MDM4: variants seen among roughly 807,000 people sequenced by gnomAD.
The protein encoded by MDM4 is MDM4 regulator of p53, also known as protein Mdm4.
Under a neutral mutation model 60.2 loss-of-function variants are expected in MDM4, and 2 were observed. The ratio of observed to expected loss-of-function variants is 0.03; its 90% CI spans 0.01 to 0.10. MDM4 has a LOEUF of 0.10. Among genes scored for constraint, MDM4 ranks in the 10% least tolerant of loss-of-function variants. The pLI is 1.00. For synonymous variants in MDM4, 202 were observed against 198.1 expected (o/e 1.02, Z -0.17); for missense variants, 447 against 577.5 (o/e 0.77, Z 2.32).
At chr1:204,532,831 AT>A in intron 5 of MDM4, 1 of 1,610,498 alleles carries the variant, frequency 6.2e-7, no homozygotes, top group South Asian at 1.1e-5. Context: ...TATCCTTGTG[AT>A]TTTGTTTAAT....
intron 5 of MDM4, 175 bp downstream of exon 5, chr1:204,532,421 C>T: frequency 1.7e-6 from 1 of 584,360 alleles, no homozygotes; most frequent in Non-Finnish European, 3.0e-6. Flanking sequence ...ACTGAAAAAT[C>T]AAACATAGAG....
chr1:204,526,079 A>T (rs1469640788), intron 2 of MDM4, among the ~76,000 whole-genome samples: 1 of 151,894 alleles, frequency 6.6e-6, no homozygotes, highest in African/African-American at 2.4e-5. Flanking sequence ...ACATGGTGAA[A>T]CCCCCTCTCT....
intron 3 of MDM4, among the ~76,000 whole-genome samples, chr1:204,529,967 C>T (rs1298786948): frequency 6.6e-6 from 1 of 152,186 alleles, no homozygotes; most frequent in Non-Finnish European, 1.5e-5. Context: ...ACCTCCGCTT[C>T]CCAGGTTCAA....
intron 7 of MDM4, among the ~76,000 whole-genome samples, chr1:204,542,300 G>T (rs1451955813): frequency 2.6e-5 from 4 of 152,138 alleles, no homozygotes; most frequent in African/African-American, 9.7e-5. Context: ...CACCTATTAT[G>T]GTTTGTATTG....
chr1:204,528,703 CTT>C, intron 3 of MDM4: 1 of 620,302 alleles, frequency 1.6e-6, no homozygotes. Flanking sequence ...TCTCAACCCT[CTT>C]TTGGAACAGT....
intron 7 of MDM4, among the ~76,000 whole-genome samples, chr1:204,539,960 G>A (rs575007409): frequency 6.6e-6 from 1 of 152,184 alleles, no homozygotes; most frequent in South Asian, 2.1e-4. Context: ...CTGTCTTCAG[G>A]CTATGTGTAC....
Position 204,550,273 on chromosome 1 carries a change from A to T in MDM4, c.*591A>T, listed in dbSNP as rs770251353. ...ACTGCAGCCTTGGTTTCCTGGGCAT[A>T]AGTGGTCTTCCCACTTCAGCCTCCT... On this transcript the variant is annotated 3_prime_UTR_variant, in exon 11 of 11. Transcript: ENST00000367182. 42 of 230,954 alleles carry T rather than the reference A, an allele frequency of 1.8e-4. No homozygotes were observed. Among genetic ancestry groups the T allele is most frequent in the Non-Finnish European group, 3.2e-4 (37 of 116,812 alleles). The allele number at this position is 230,954 out of a possible 1,614,324, so 14.3% of individuals were successfully genotyped here. A position where few individuals can be genotyped will look rare whatever the true frequency, so the allele number is the denominator to read the frequency against.
chr1:204,555,631 G>A lies in MDM4; in HGVS notation c.*5949G>A, dbSNP rs867112967. The A allele has an allele frequency of 2.4e-5, 4 of 167,514 alleles. No homozygotes were observed. Among genetic ancestry groups the A allele is most frequent in the Admixed American group, 6.4e-5 (1 of 15,610 alleles). 10.4% of individuals were successfully genotyped at this position (167,514 alleles called of 1,614,324 possible). On this transcript the variant is annotated 3_prime_UTR_variant, in exon 11 of 11. Coordinates refer to ENST00000367182, the MANE Select transcript of MDM4 (RefSeq NM_002393.5). Reference sequence around the variant, plus strand: ...TGTAATCCCAGCACTTTGGGAGGCCGAGGTGGGTGGATTGCCTGAGCTCAG... The same window carrying A: ...TGTAATCCCAGCACTTTGGGAGGCCAAGGTGGGTGGATTGCCTGAGCTCAG...
rs112013117 is a variant in MDM4, at chr1:204,538,677, T to C, written c.511+369T>C. 6.6e-3 allele frequency among the ~76,000 whole-genome samples: 1,010 copies of C among 152,172 alleles called. 9 individuals are homozygous for C. The highest frequency in any genetic ancestry group is 0.023 in the African/African-American group (964 of 41,536). On this transcript the variant is annotated intron_variant, in intron 7 of 10. Transcript: ENST00000367182. Reference sequence around the variant, plus strand: ...TGGTTAGAATTTTTATTTTGATTTATCTACTTGAGGCAAAGGCCAATTTTC... The same window carrying C: ...TGGTTAGAATTTTTATTTTGATTTACCTACTTGAGGCAAAGGCCAATTTTC...
intron 5 of MDM4, chr1:204,532,627 T>C (rs1660982502): frequency 1.4e-6 from 1 of 713,236 alleles, no homozygotes; most frequent in South Asian, 2.2e-5. Context: ...CCCCCAGTTA[T>C]CTCAAAAATA....
intron 1 of MDM4, 78 bp from the exon 2 acceptor site, chr1:204,525,406 C>T: frequency 6.8e-7 from 1 of 1,463,612 alleles, no homozygotes; most frequent in South Asian, 1.4e-5. Context: ...TTTACTTCTG[C>T]TGGTTGCCTT....
chr1:204,540,261 G>C (rs1382510741), intron 7 of MDM4, among the ~76,000 whole-genome samples: 2 of 150,422 alleles, frequency 1.3e-5, no homozygotes, highest in African/African-American at 2.4e-5. Flanking sequence ...CTCCAGCCTG[G>C]GCGACAGAGC....
At chr1:204,529,131 G>T in intron 3 of MDM4, 1 of 1,124,288 alleles carries the variant, frequency 8.9e-7, no homozygotes, top group Non-Finnish European at 1.3e-6. Context: ...ACTGCTGGAA[G>T]AGCTGCTTCC....
At position 204,542,749 on chromosome 1, in the gene MDM4, G is replaced by C. The variant is rs1232985262; in HGVS notation, c.512-35G>C. 2.6e-6 allele frequency: 4 copies of C among 1,519,232 alleles called. No homozygotes were observed. The African/African-American group carries it at 5.5e-5, about 21-fold the overall frequency. 94.1% of individuals were successfully genotyped at this position (1,519,232 alleles called of 1,614,324 possible). A position where few individuals can be genotyped will look rare whatever the true frequency, so the allele number is the denominator to read the frequency against. On this transcript the variant is annotated intron_variant, in intron 7 of 10. Coordinates refer to ENST00000367182, the MANE Select transcript of MDM4 (RefSeq NM_002393.5). ...GATAGTCTTAGTTATTACGTATTGTGCATAGTTATCATTCTTTTCATTTGA... is the reference window on the plus strand; with the variant it reads ...GATAGTCTTAGTTATTACGTATTGTCCATAGTTATCATTCTTTTCATTTGA...
At chr1:204,529,098 G>C in intron 3 of MDM4, 2 of 1,350,768 alleles carry the variant, frequency 1.5e-6, no homozygotes, top group Non-Finnish European at 2.1e-6. Flanking sequence ...GTAGCTAATG[G>C]AGCCTGAGTT....
chr1:204,524,606 G>A (rs768858243), intron 1 of MDM4, among the ~76,000 whole-genome samples: 27 of 152,132 alleles, frequency 1.8e-4, no homozygotes, highest in Non-Finnish European at 3.5e-4. Flanking sequence ...GTGAAACCCC[G>A]TCTCTACTAA....
chr1:204,542,972 T>C (rs4252717), intron 8 of MDM4, 28 bp downstream of exon 8: 1,046,341 of 1,580,882 alleles, frequency 0.66, 354,124 homozygotes, highest in East Asian at 0.71. Context: ...AGGGAAGTGG[T>C]TTTTTTTCTT....
intron 7 of MDM4, among the ~76,000 whole-genome samples, chr1:204,539,075 G>A (rs1200492729): frequency 6.6e-5 from 10 of 151,906 alleles, no homozygotes; most frequent in Admixed American, 6.6e-4. Context: ...CCCCACGTTG[G>A]TTAGGCTGGT....
intron 1 of MDM4, 135 bp from the exon 2 acceptor site, chr1:204,525,349 A>G (rs1323469239): frequency 3.6e-6 from 5 of 1,384,592 alleles, no homozygotes; most frequent in Non-Finnish European, 4.7e-6. Context: ...CAGCAAGGGT[A>G]TACAGCATTT....
Sources: gnomAD v4.1 joint callset for allele counts (sites outside exome capture counted in the v4.1 genomes callset) on GRCh38, gnomAD v4.1.1 for gene constraint, MANE v1.5 for transcripts, NCBI Gene and HGNC (gene_info 2026-07-23, HGNC 2026-07-21) for gene names.